The following DCAF11 variants were observed in gnomAD, a reference collection of about 807,000 sequenced individuals.
The protein encoded by DCAF11 is DDB1- and CUL4-associated factor 11.
DCAF11 carries 44 observed loss-of-function variants against 76.1 expected under a neutral mutation model. That is an observed-to-expected ratio of 0.58 (90% CI 0.45 to 0.74). The LOEUF (loss-of-function observed/expected upper bound fraction) is 0.74. Among genes scored for constraint, DCAF11 ranks in the 30% least tolerant of loss-of-function variants. The pLI, the probability that DCAF11 is intolerant of heterozygous loss-of-function variation, is 0.00. For missense variants in DCAF11, 604 were observed against 709.4 expected (o/e 0.85, Z 1.69); for synonymous variants, 258 against 255.0 (o/e 1.01, Z -0.11).
Position 24,120,122 on chromosome 14 carries a change from G to A in DCAF11, c.1092+226G>A, listed in dbSNP as rs140077163. On this transcript the variant is annotated intron_variant, in intron 11 of 14. Transcript: ENST00000446197. ...TTCCGTACAAGAAAAATGGAAGACC[G>A]GTCAGGTACAGCGGCTCACACCTGT... Among the ~76,000 whole-genome samples, 637 of 152,264 alleles carry A rather than the reference G, an allele frequency of 4.2e-3. 3 individuals are homozygous for A. Among genetic ancestry groups the A allele is most frequent in the African/African-American group, 0.014 (597 of 41,554 alleles).
rs989959309 is a variant in DCAF11 at position 24,114,859 on chromosome 14, G to A, written c.-648G>A. 35 of 985,822 alleles carry A rather than the reference G, an allele frequency of 3.6e-5. No individual in the cohort carries two copies. The highest frequency in any genetic ancestry group is 6.1e-5 in the Admixed American group (1 of 16,274). 61.1% of individuals were successfully genotyped at this position (985,822 alleles called of 1,614,324 possible). A position where few individuals can be genotyped will look rare whatever the true frequency, so the allele number is the denominator to read the frequency against. ...CGTGACGGAGGAGCGGTTGGCCAAC[G>A]CAGTGGCGGCAGTCGGTGTAAACAA... On this transcript the variant is annotated 5_prime_UTR_variant, in exon 1 of 15. Coordinates refer to ENST00000446197, the MANE Select transcript of DCAF11 (RefSeq NM_025230.5).
chr14:24,115,775 C>T (rs1434822407), intron 2 of DCAF11, 26 bp downstream of exon 2: 2 of 1,604,128 alleles, frequency 1.2e-6, no homozygotes, highest in Non-Finnish European at 1.7e-6. Flanking sequence ...GTGTGACCCC[C>T]AGCAGGTGCT....
rs1328909069 is a variant in DCAF11 at position 24,117,969 on chromosome 14, A to G, written c.477-86A>G. 9.7e-7 allele frequency: 1 copy of G among 1,028,934 alleles called. No homozygotes were observed. Among genetic ancestry groups the G allele is most frequent in the East Asian group, 2.4e-5 (1 of 41,870 alleles). 63.7% of individuals were successfully genotyped at this position (1,028,934 alleles called of 1,614,324 possible). ...CCAAAAGGGAAGAATGACTGTTCTG[A>G]TATTCCAGCTCTGTTAGGATTCTGC... On this transcript the variant is annotated intron_variant, in intron 5 of 14. Coordinates refer to ENST00000446197, the MANE Select transcript of DCAF11 (RefSeq NM_025230.5). The surrounding 1 kb of genome is among the most constrained non-coding windows in gnomAD (Gnocchi z 4.3).
Position 24,117,470 on chromosome 14 carries a change from GAAGTC to G in DCAF11, c.411+80_411+84del. The G allele has an allele frequency of 6.3e-7, 1 of 1,596,356 alleles. No homozygotes were observed. Among genetic ancestry groups the G allele is most frequent in the South Asian group, 1.1e-5 (1 of 89,358 alleles). ...AGCTCTGCCAGCCCCAGAGAAAAAG[GAAGTC>G]AACTTTCCAAAGTAGAAGCCTCAAG... is the stretch of plus-strand genomic sequence containing the variant. On this transcript the variant is annotated intron_variant, in intron 4 of 14. Transcript: ENST00000446197. This position sits in a 1 kb window ranked among gnomAD's most constrained non-coding sequence, Gnocchi z 4.3.
intron 2 of DCAF11, among the ~76,000 whole-genome samples, chr14:24,116,057 G>A (rs2037552413): frequency 6.6e-6 from 1 of 152,008 alleles, no homozygotes; most frequent in South Asian, 2.1e-4. Context: ...AAAAAAGGGG[G>A]GGGTCCTAGT....
chr14:24,119,781 G>A lies in DCAF11; in HGVS notation c.977G>A (p.Gly326Glu). The stretch of plus-strand genomic sequence containing the variant: ...ATAAGCTCCCAAATCCTGTTCTCTG[G>A]GGGAGATGATGCCATCTGCAAAGTG... Reference protein sequence around the residue: ...ADISSQILFSGGDDAICKVWD... With the variant: ...ADISSQILFSEGDDAICKVWD... The change falls in exon 11 of 15, where the codon GGG (glycine) becomes GAG (glutamate). Residue 326 changes from glycine to glutamate, a missense_variant. Coordinates refer to ENST00000446197, the MANE Select transcript of DCAF11 (RefSeq NM_025230.5). The A allele has an allele frequency of 6.2e-7, 1 of 1,614,220 alleles. No individual in the cohort carries two copies.
At chr14:24,119,377 A>G in intron 9 of DCAF11, 164 bp downstream of exon 9, 1 of 1,191,792 alleles carries the variant, frequency 8.4e-7, no homozygotes, top group South Asian at 1.3e-5. Flanking sequence ...CCATTTCCCC[A>G]GCACGAGATT....
chr14:24,114,797 C>T lies in DCAF11; in HGVS notation c.-710C>T, dbSNP rs1037233992. The stretch of plus-strand genomic sequence containing the variant: ...CCGTCGTGTGACGTTTGCAGCCCGC[C>T]GGCCAGGAAGCCGCGAGATGCGTGA... On this transcript the variant is annotated 5_prime_UTR_variant, in exon 1 of 15. Transcript: ENST00000446197. 3.0e-6 allele frequency: 3 copies of T among 985,846 alleles called. No homozygotes were observed. Among genetic ancestry groups the T allele is most frequent in the Non-Finnish European group, 3.6e-6 (3 of 829,984 alleles). The allele number at this position is 985,846 out of a possible 1,614,324, so 61.1% of individuals were successfully genotyped here.
chr14:24,117,336 G>A lies in DCAF11; in HGVS notation c.354G>A (p.Gly118=). Residue 118 remains glycine, a synonymous_variant, in exon 4 of 15, where the codon GGG becomes GGA. Coordinates refer to ENST00000446197, the MANE Select transcript of DCAF11 (RefSeq NM_025230.5). The surrounding 1 kb of genome is among the most constrained non-coding windows in gnomAD (Gnocchi z 4.3). The part of the protein sequence containing the change: ...EIKTQVELAT[G]QLGLRRAAQK... The stretch of plus-strand genomic sequence containing the variant: ...AGACACAAGTGGAACTGGCCACAGG[G>A]CAGCTGGGGCTTAGGCGGGCCGCCC... 1 of 1,614,230 alleles carries A rather than the reference G, an allele frequency of 6.2e-7. No homozygotes were observed. Among genetic ancestry groups the A allele is most frequent in the South Asian group, 1.1e-5 (1 of 91,080 alleles).
Position 24,119,195 on chromosome 14 carries a change from G to A in DCAF11, c.830G>A (p.Gly277Glu), listed in dbSNP as rs368600384. Residue 277 changes from glycine to glutamate, a missense_variant, in exon 9 of 15, where the codon GGA becomes GAA. Physicochemically the swap from Gly to Glu is moderately conservative, Grantham distance 98. Transcript: ENST00000446197. ...AVFSIAVSSD[G>E]REVLGGANDG... The stretch of plus-strand genomic sequence containing the variant: ...TTCTCCATTGCTGTCTCCTCAGATG[G>A]ACGAGAAGTACTAGGAGGGTAAGTG... 6.2e-7 allele frequency: 1 copy of A among 1,614,110 alleles called. No homozygotes were observed. Among genetic ancestry groups the A allele is most frequent in the African/African-American group, 1.3e-5 (1 of 74,940 alleles).
intron 2 of DCAF11, among the ~76,000 whole-genome samples, chr14:24,116,679 G>A (rs1052563478): frequency 2.0e-5 from 3 of 152,160 alleles, no homozygotes; most frequent in African/African-American, 4.8e-5. Context: ...TGTTTAGCTC[G>A]CTGGGAGGTC....
rs2037602671 is a variant in DCAF11 at position 24,117,388 on chromosome 14, C to T, written c.406C>T (p.His136Tyr). The change falls in exon 4 of 15, where the codon CAC becomes TAC. Residue 136 changes from histidine (H) to tyrosine (Y), a missense_variant. Coordinates refer to ENST00000446197, the MANE Select transcript of DCAF11 (RefSeq NM_025230.5). This position sits in a 1 kb window ranked among gnomAD's most constrained non-coding sequence, Gnocchi z 4.3. Reference sequence around the variant, plus strand: ...GAAGCACAGCTTTCCTCGAATGTTGCACCAGGTAGGCCTCTCCACCTCCCA... The same window carrying T: ...GAAGCACAGCTTTCCTCGAATGTTGTACCAGGTAGGCCTCTCCACCTCCCA... Reference protein sequence around the residue: ...AQKHSFPRMLHQRERGLCHRG... With the variant: ...AQKHSFPRMLYQRERGLCHRG... 3.1e-6 allele frequency: 5 copies of T among 1,614,200 alleles called. 1 individual carries two copies. The East Asian group carries it at 1.1e-4, about 36-fold the overall frequency.
chr14:24,119,439 A>G, intron 9 of DCAF11, 120 bp from the exon 10 acceptor site: 1 of 1,350,826 alleles, frequency 7.4e-7, no homozygotes, highest in South Asian at 1.2e-5. Context: ...CACTTCCTGT[A>G]TAAAAAGAGC....
intron 8 of DCAF11, 154 bp downstream of exon 8, chr14:24,118,958 A>G (rs1449426872): frequency 8.8e-6 from 10 of 1,131,348 alleles, no homozygotes; most frequent in Non-Finnish European, 1.3e-5. Flanking sequence ...CTTGTCAGCC[A>G]GAGGACTGGG....
Position 24,124,309 on chromosome 14 carries a change from T to C in DCAF11, c.*1000T>C, listed in dbSNP as rs184145170. On this transcript the variant is annotated 3_prime_UTR_variant, in exon 15 of 15. Coordinates refer to ENST00000446197, the MANE Select transcript of DCAF11 (RefSeq NM_025230.5). ...CTGGTAATACCCATATCACCTCTGC[T>C]CTGAGGCTGGGCCTGCAGCTGTGTA... 213 of 152,366 alleles carry C rather than the reference T, an allele frequency of 1.4e-3. No homozygotes were observed. The highest frequency in any genetic ancestry group is 4.9e-3 in the African/African-American group (204 of 41,572). The allele number at this position is 152,366 out of a possible 1,614,324, so 9.4% of individuals were successfully genotyped here.
At position 24,115,501 on chromosome 14, in the gene DCAF11, C is replaced by G. The variant is rs1261443515; in HGVS notation, c.-94C>G. The G allele has an allele frequency of 2.0e-6, 3 of 1,503,054 alleles. No individual in the cohort carries two copies. Among genetic ancestry groups the G allele is most frequent in the Non-Finnish European group, 2.7e-6 (3 of 1,125,158 alleles). 93.1% of individuals were successfully genotyped at this position (1,503,054 alleles called of 1,614,324 possible). A position where few individuals can be genotyped will look rare whatever the true frequency, so the allele number is the denominator to read the frequency against. On this transcript the variant is annotated 5_prime_UTR_variant, in exon 2 of 15. Transcript: ENST00000446197. Reference sequence around the variant, plus strand: ...TAGCTACTACCCCGTCTCAGGAGACCCTGGTATTTCTAGAGCACGCTTTGC... The same window carrying G: ...TAGCTACTACCCCGTCTCAGGAGACGCTGGTATTTCTAGAGCACGCTTTGC...
chr14:24,122,949 C>T, intron 13 of DCAF11, 22 bp from the exon 14 acceptor site: 3 of 1,609,128 alleles, frequency 1.9e-6, no homozygotes, highest in Non-Finnish European at 1.7e-6. Flanking sequence ...GGTCCCTCTC[C>T]ACTCTTGCCT....
At position 24,114,833 on chromosome 14, in the gene DCAF11, G is replaced by A. The variant is rs1032395921; in HGVS notation, c.-674G>A. 1.2e-5 allele frequency: 12 copies of A among 985,858 alleles called. No homozygotes were observed. In the African/African-American group the frequency reaches 1.6e-4, roughly 13 times the overall value. 61.1% of individuals were successfully genotyped at this position (985,858 alleles called of 1,614,324 possible). On this transcript the variant is annotated 5_prime_UTR_variant, in exon 1 of 15. Coordinates refer to ENST00000446197, the MANE Select transcript of DCAF11 (RefSeq NM_025230.5). ...CCGCGAGATGCGTGACGAGCGAAGC[G>A]CGTGACGGAGGAGCGGTTGGCCAAC...
rs1020467902 is a variant in DCAF11 at position 24,119,890 on chromosome 14, C to A, written c.1086C>A (p.Asp362Glu). The change falls in exon 11 of 15, where the codon GAC becomes GAA. Residue 362 changes from aspartate (D) to glutamate (E), a missense_variant. Coordinates refer to ENST00000446197, the MANE Select transcript of DCAF11 (RefSeq NM_025230.5). ...AGHQDGITFI[D>E]SKGDARYLIS... ...ACCAGGATGGCATCACCTTCATTGA[C>A]AGCAAGGTGGGCCAGAAGTCAGGAC... is the stretch of plus-strand genomic sequence containing the variant. The A allele has an allele frequency of 6.2e-7, 1 of 1,610,720 alleles. No individual in the cohort carries two copies. Among genetic ancestry groups the A allele is most frequent in the East Asian group, 2.2e-5 (1 of 44,792 alleles).
Sources: gnomAD v4.1 joint callset for allele counts (sites outside exome capture counted in the v4.1 genomes callset) on GRCh38, gnomAD v4.1.1 for gene constraint, Gnocchi (gnomAD v3.1) non-coding constraint, MANE v1.5 for transcripts, NCBI Gene and HGNC (gene_info 2026-07-23, HGNC 2026-07-21) for gene names.